The following ANP32A variants were observed in gnomAD, a reference collection of about 807,000 sequenced individuals.
ANP32A encodes the protein acidic leucine-rich nuclear phosphoprotein 32 family member A.
A neutral mutation model predicts 33.9 loss-of-function variants in ANP32A; 1 was observed. The ratio of observed to expected loss-of-function variants is 0.03; its 90% CI spans 0.01 to 0.14. The LOEUF (loss-of-function observed/expected upper bound fraction) is 0.14, where lower values mean the gene tolerates loss of function less well. ANP32A is among the 10% of genes least tolerant of loss of function. The probability of loss-of-function intolerance (pLI) is 1.00; values close to 1 mark genes in which losing one functional copy is unlikely to be tolerated. For synonymous variants in ANP32A, 115 were observed against 120.5 expected, an observed-to-expected ratio of 0.95 and a Z score of 0.30; for missense variants, 155 against 306.0, an observed-to-expected ratio of 0.51 and a Z score of 3.68.
chr15:68,780,121 C>T lies in ANP32A; in HGVS notation c.710G>A (p.Arg237Gln). 1 of 1,613,596 alleles carries T rather than the reference C, an allele frequency of 6.2e-7. No homozygotes were observed. Among genetic ancestry groups the T allele is most frequent in the Non-Finnish European group, 8.5e-7 (1 of 1,179,696 alleles). ...TCCCTCATCTTCAGGTTCTCGTTTT[C>T]GCTTCTGACCCCTTTCTTCTTCTGG... The part of the protein sequence containing the change: ...ELGEEERGQK[R>Q]KREPEDEGED... Residue 237 changes from arginine (R) to glutamine (Q), a missense_variant, in exon 7 of 7, where the codon CGA becomes CAA. Transcript: ENST00000465139. The surrounding 1 kb of genome is among the most constrained non-coding windows in gnomAD (Gnocchi z 4.3).
At chr15:68,806,978 C>A (rs761690344) in intron 1 of ANP32A, among the ~76,000 whole-genome samples, 2 of 152,266 alleles carry the variant, frequency 1.3e-5, no homozygotes, top group African/African-American at 4.8e-5. Context: ...GGGCTCTGTA[C>A]ACCGTCAATG....
chr15:68,801,421 A>G (rs1441311258), intron 1 of ANP32A, among the ~76,000 whole-genome samples: 1 of 152,026 alleles, frequency 6.6e-6, no homozygotes, highest in African/African-American at 2.4e-5. Context: ...ACTGCTTACA[A>G]ACTGTGTGGC....
At chr15:68,787,296 C>T in intron 3 of ANP32A, 117 bp downstream of exon 3, 1 of 1,404,520 alleles carries the variant, frequency 7.1e-7, no homozygotes, top group South Asian at 1.2e-5. Flanking sequence ...TCTCATAGCA[C>T]ATCATGAGAG....
chr15:68,798,888 C>CCTCGCAATGACAGAAGCAGAGCAAACGCT (rs1567036883), intron 1 of ANP32A, among the ~76,000 whole-genome samples: 3 of 152,008 alleles, frequency 2.0e-5, no homozygotes, highest in African/African-American at 7.2e-5. Context: ...GAGCAAACGC[C>CCTCGCAATGACAGAAGCAGAGCAAACGCT]GCCTCGGCAC....
intron 1 of ANP32A, among the ~76,000 whole-genome samples, chr15:68,796,288 T>C (rs1190866409): frequency 2.6e-5 from 4 of 151,306 alleles, no homozygotes; most frequent in East Asian, 1.9e-4. Context: ...ACCATGTTGG[T>C]CAGGCTGGTC....
chr15:68,783,123 GC>G, intron 4 of ANP32A, 70 bp from the exon 5 acceptor site: 1 of 1,540,912 alleles, frequency 6.5e-7, no homozygotes, highest in Non-Finnish European at 8.8e-7. Flanking sequence ...CACAGCACAG[GC>G]CCCTTGTAGC....
In ANP32A at chr15:68,778,799, C is replaced by G. The variant is rs1488919214; in HGVS notation, c.*1282G>C. On this transcript the variant is annotated 3_prime_UTR_variant, in exon 7 of 7. Coordinates refer to ENST00000465139, the MANE Select transcript of ANP32A (RefSeq NM_006305.4). ...TATATATCTCATAAGAAAAGCTATTCTATCAGGTAACAAAAATGAAGCTTC... is the reference window on the plus strand; with the variant it reads ...TATATATCTCATAAGAAAAGCTATTGTATCAGGTAACAAAAATGAAGCTTC... 1.3e-5 allele frequency: 2 copies of G among 152,020 alleles called. No homozygotes were observed. Among genetic ancestry groups the G allele is most frequent in the Non-Finnish European group, 2.9e-5 (2 of 68,016 alleles). The allele number at this position is 152,020 out of a possible 1,614,324, so 9.4% of individuals were successfully genotyped here.
chr15:68,787,200 T>G, intron 3 of ANP32A: 1 of 612,832 alleles, frequency 1.6e-6, no homozygotes, highest in Non-Finnish European at 2.8e-6. Context: ...TAGCTGCCCA[T>G]TCTGTCTGTG....
Position 68,779,835 on chromosome 15 carries a change from C to A in ANP32A, c.*246G>T. On this transcript the variant is annotated 3_prime_UTR_variant, in exon 7 of 7. Coordinates refer to ENST00000465139, the MANE Select transcript of ANP32A (RefSeq NM_006305.4). ...GCTATCGCATTTACAGGGACAAAAACCGGACACAAAGAAAAAGTAGGGGAA... is the reference window on the plus strand; with the variant it reads ...GCTATCGCATTTACAGGGACAAAAAACGGACACAAAGAAAAAGTAGGGGAA... The A allele has an allele frequency of 2.0e-6, 1 of 512,300 alleles. No homozygotes were observed. The highest frequency in any genetic ancestry group is 3.5e-6 in the Non-Finnish European group (1 of 288,094). 31.7% of individuals were successfully genotyped at this position (512,300 alleles called of 1,614,324 possible). A position where few individuals can be genotyped will look rare whatever the true frequency, so the allele number is the denominator to read the frequency against.
intron 1 of ANP32A, among the ~76,000 whole-genome samples, chr15:68,795,988 C>T (rs1331904530): frequency 6.6e-6 from 1 of 152,098 alleles, no homozygotes; most frequent in Non-Finnish European, 1.5e-5. Context: ...GGTTTTGGGT[C>T]TAGCTTTGCT....
At chr15:68,787,147 G>A (rs1395557619) in intron 3 of ANP32A, 2 of 409,024 alleles carry the variant, frequency 4.9e-6, no homozygotes, top group South Asian at 2.9e-5. Flanking sequence ...TGGAAAAGCA[G>A]GAGACCAGAA....
chr15:68,814,760 G>A (rs759310665), intron 1 of ANP32A, among the ~76,000 whole-genome samples: 32 of 151,888 alleles, frequency 2.1e-4, no homozygotes, highest in Admixed American at 9.8e-4. Flanking sequence ...TGGTAGAAAA[G>A]CAGCAGGCCA....
intron 1 of ANP32A, among the ~76,000 whole-genome samples, chr15:68,803,428 G>A (rs1434070723): frequency 6.6e-6 from 1 of 152,192 alleles, no homozygotes; most frequent in Non-Finnish European, 1.5e-5. Flanking sequence ...TTTCTTAGAG[G>A]AGTCTGGAAT....
intron 1 of ANP32A, among the ~76,000 whole-genome samples, chr15:68,813,405 A>G (rs570377509): frequency 6.6e-6 from 1 of 152,358 alleles, no homozygotes; most frequent in South Asian, 2.1e-4. Flanking sequence ...TTAAATGAGA[A>G]GTTCTGAATA....
At chr15:68,791,662 G>A (rs1893999563) in intron 1 of ANP32A, 1 of 152,680 alleles carries the variant, frequency 6.5e-6, no homozygotes, top group Non-Finnish European at 1.5e-5. Context: ...AATCCCCATC[G>A]TTTTAAAGGT....
chr15:68,802,390 T>C, intron 1 of ANP32A, among the ~76,000 whole-genome samples: 1 of 152,236 alleles, frequency 6.6e-6, no homozygotes, highest in East Asian at 1.9e-4. Context: ...GCCTTGCCTT[T>C]TTTTCATGGA....
intron 1 of ANP32A, chr15:68,817,817 AG>A (rs1894406160): frequency 6.6e-6 from 1 of 152,104 alleles, no homozygotes; most frequent in Non-Finnish European, 1.5e-5. Flanking sequence ...GGGTCCCCAA[AG>A]CCGGCTCCCC....
intron 1 of ANP32A, among the ~76,000 whole-genome samples, chr15:68,808,371 C>A (rs1894266736): frequency 6.6e-6 from 1 of 152,196 alleles, no homozygotes; most frequent in Non-Finnish European, 1.5e-5. Context: ...TTCTTCCCTG[C>A]AGTGTATGTG....
intron 1 of ANP32A, chr15:68,817,735 G>GT (rs1894404808): frequency 6.6e-6 from 1 of 152,134 alleles, no homozygotes; most frequent in South Asian, 2.1e-4. Context: ...CGCGGCCGCC[G>GT]TGACTCTCCA....
Sources: gnomAD v4.1 joint callset for allele counts (sites outside exome capture counted in the v4.1 genomes callset) on GRCh38, gnomAD v4.1.1 for gene constraint, Gnocchi (gnomAD v3.1) non-coding constraint, MANE v1.5 for transcripts, NCBI Gene and HGNC (gene_info 2026-07-23, HGNC 2026-07-21) for gene names.